The following IL15 variants were observed in gnomAD, a reference collection of about 807,000 sequenced individuals.
The protein encoded by IL15 is interleukin-15.
Under a neutral mutation model 19.6 loss-of-function variants are expected in IL15, and 11 were observed. The observed-to-expected ratio is 0.56, with a 90% CI of 0.35 to 0.93. The LOEUF is 0.93. Among genes scored for constraint, IL15 ranks in the 40% least tolerant of loss-of-function variants. The pLI is 0.01. For synonymous variants in IL15, 58 were observed against 59.6 expected (o/e 0.97, Z 0.12); for missense variants, 197 against 186.5 (o/e 1.06, Z -0.33).
intron 2 of IL15, among the ~76,000 whole-genome samples, chr4:141,690,212 G>T (rs938395623): frequency 1.3e-5 from 2 of 152,154 alleles, no homozygotes; most frequent in Admixed American, 1.3e-4. Context: ...AGCGCCGCAC[G>T]CAGGCCCGGT....
At chr4:141,676,904 G>A (rs1224992420) in intron 2 of IL15, among the ~76,000 whole-genome samples, 2 of 152,158 alleles carry the variant, frequency 1.3e-5, no homozygotes, top group African/African-American at 2.4e-5. Context: ...TTGTGCCAGT[G>A]CCACACTATG....
chr4:141,667,700 A>T (rs1443002070), intron 2 of IL15, among the ~76,000 whole-genome samples: 1 of 152,178 alleles, frequency 6.6e-6, no homozygotes, highest in African/African-American at 2.4e-5. Context: ...GGTAGAGTTG[A>T]ATCAAATATT....
intron 2 of IL15, among the ~76,000 whole-genome samples, chr4:141,679,330 C>A (rs968594216): frequency 6.6e-6 from 1 of 152,120 alleles, no homozygotes. Flanking sequence ...TTAGTTTGAC[C>A]ACTAAGAAAT....
intron 1 of IL15, among the ~76,000 whole-genome samples, chr4:141,652,797 A>C (rs1285540471): frequency 1.3e-5 from 2 of 152,154 alleles, no homozygotes; most frequent in Non-Finnish European, 2.9e-5. Flanking sequence ...TTTAAATTTA[A>C]TTTTAAGTGT....
chr4:141,730,108 G>A (rs1051567155), intron 7 of IL15, 124 bp downstream of exon 7: 2 of 786,812 alleles, frequency 2.5e-6, no homozygotes, highest in Non-Finnish European at 4.4e-6. Flanking sequence ...TTCCAGTGGA[G>A]TGGTGTGCAA....
chr4:141,659,855 T>C (rs1727732669), intron 2 of IL15, among the ~76,000 whole-genome samples: 1 of 151,720 alleles, frequency 6.6e-6, no homozygotes, highest in Non-Finnish European at 1.5e-5. Context: ...TTTTTCTTTT[T>C]ATGAATTCTG....
chr4:141,674,696 G>A (rs1430783675), intron 2 of IL15, among the ~76,000 whole-genome samples: 1 of 152,130 alleles, frequency 6.6e-6, no homozygotes, highest in Non-Finnish European at 1.5e-5. Flanking sequence ...TAGTGTGCTA[G>A]GCATATTGCA....
chr4:141,692,906 C>T (rs115145770), intron 2 of IL15, among the ~76,000 whole-genome samples: 3,355 of 150,872 alleles, frequency 0.022, 121 homozygotes, highest in African/African-American at 0.075. Flanking sequence ...GTAGCAGTAC[C>T]CCCATCTGCC....
chr4:141,638,343 C>T (rs1726930059), intron 1 of IL15, among the ~76,000 whole-genome samples: 2 of 152,276 alleles, frequency 1.3e-5, no homozygotes, highest in South Asian at 4.1e-4. Flanking sequence ...GTAAAATTCT[C>T]ACAGAATTTT....
At chr4:141,695,243 G>GTCTC (rs1729052298) in intron 2 of IL15, among the ~76,000 whole-genome samples, 1 of 131,204 alleles carries the variant, frequency 7.6e-6, no homozygotes, top group South Asian at 2.7e-4. Context: ...CTTCTCCCTA[G>GTCTC]TCTCTCTTCT....
chr4:141,700,756 G>A (rs538721885), intron 2 of IL15, among the ~76,000 whole-genome samples: 2 of 152,256 alleles, frequency 1.3e-5, no homozygotes, highest in East Asian at 1.9e-4. Context: ...TCCAGAGCAC[G>A]ATTTATTCTT....
At chr4:141,699,273 C>A (rs1371502471) in intron 2 of IL15, among the ~76,000 whole-genome samples, 1 of 152,084 alleles carries the variant, frequency 6.6e-6, no homozygotes, top group East Asian at 1.9e-4. Flanking sequence ...TAGAATGCTC[C>A]ATGTGCTGAT....
At chr4:141,656,085 T>TA (rs1406321233) in intron 1 of IL15, 101 bp from the exon 2 acceptor site, 11 of 395,502 alleles carry the variant, frequency 2.8e-5, no homozygotes, top group Non-Finnish European at 4.9e-5. Flanking sequence ...CCTGTTTTTT[T>TA]ATAGCATGAT....
chr4:141,638,918 C>T (rs764634624), intron 1 of IL15, among the ~76,000 whole-genome samples: 5 of 152,162 alleles, frequency 3.3e-5, no homozygotes, highest in Non-Finnish European at 7.3e-5. Flanking sequence ...CCCCTCATCT[C>T]TCCTGGAGTT....
rs550985487 is a variant in IL15 at position 141,733,279 on chromosome 4, AG to A, written c.*432del. 819 of 154,960 alleles carry A rather than the reference AG, an allele frequency of 5.3e-3. 15 individuals are homozygous for A. The highest frequency in any genetic ancestry group is 0.019 in the African/African-American group (794 of 41,520). The allele number at this position is 154,960 out of a possible 1,614,324, so 9.6% of individuals were successfully genotyped here. A position where few individuals can be genotyped will look rare whatever the true frequency, so the allele number is the denominator to read the frequency against. On this transcript the variant is annotated 3_prime_UTR_variant, in exon 8 of 8. Transcript: ENST00000320650. ...ACAGCTATGCTGGTAGGCTCCTGCCAGTGTGGAACCACTGACTACTGGCTCT... is the reference window on the plus strand; with the variant it reads ...ACAGCTATGCTGGTAGGCTCCTGCCATGTGGAACCACTGACTACTGGCTCT...
chr4:141,709,519 G>A (rs1300988845), intron 2 of IL15, among the ~76,000 whole-genome samples: 1 of 152,116 alleles, frequency 6.6e-6, no homozygotes, highest in Non-Finnish European at 1.5e-5. Flanking sequence ...AGTCAGTATA[G>A]TGAGGTTTTT....
At chr4:141,671,209 A>T (rs1021371777) in intron 2 of IL15, among the ~76,000 whole-genome samples, 10 of 152,190 alleles carry the variant, frequency 6.6e-5, no homozygotes, top group African/African-American at 2.2e-4. Flanking sequence ...GGGAACACTT[A>T]TTACTTAGGT....
intron 5 of IL15, among the ~76,000 whole-genome samples, chr4:141,726,053 T>C (rs1340023675): frequency 6.6e-6 from 1 of 152,062 alleles, no homozygotes; most frequent in East Asian, 1.9e-4. Context: ...TAATAACACA[T>C]TGATACTCTA....
intron 3 of IL15, 67 bp downstream of exon 3, chr4:141,719,543 C>A: frequency 7.9e-7 from 1 of 1,264,984 alleles, no homozygotes; most frequent in Non-Finnish European, 1.1e-6. Context: ...ATCTCAGAGT[C>A]TTTGCAATAA....
Sources: allele counts gnomAD v4.1 joint callset (sites outside exome capture counted in the v4.1 genomes callset), GRCh38; gene constraint gnomAD v4.1.1; transcripts MANE v1.5; gene names NCBI Gene and HGNC (gene_info 2026-07-23, HGNC 2026-07-21).